SERPIND1: variants seen among roughly 807,000 people sequenced by gnomAD.
The protein encoded by SERPIND1 is serpin family D member 1.
In SERPIND1, 34 loss-of-function variants were observed where a neutral mutation model predicts 35.0. That is an observed-to-expected ratio of 0.97 (90% CI 0.74 to 1.29). SERPIND1 has a LOEUF of 1.29. SERPIND1 is among the 50% of genes most tolerant of loss of function. SERPIND1 has a pLI of 0.00. For synonymous variants in SERPIND1, 236 were observed against 241.1 expected (o/e 0.98, Z 0.19); for missense variants, 633 against 637.7 (o/e 0.99, Z 0.08).
chr22:20,779,282 T>A lies in SERPIND1; in HGVS notation c.-16-15T>A. 1 of 1,613,732 alleles carries A rather than the reference T, an allele frequency of 6.2e-7. No individual in the cohort carries two copies. The highest frequency in any genetic ancestry group is 1.7e-5 in the Admixed American group (1 of 60,020). ...AGCCAGGCCGCCTTTCACTGTGTTC[T>A]GTTTTCCCTCCCAGCTTTAGCTCCG... On this transcript the variant is annotated splice_polypyrimidine_tract_variant and intron_variant, in intron 1 of 4. Coordinates refer to ENST00000215727, the MANE Select transcript of SERPIND1 (RefSeq NM_000185.4).
Position 20,779,298 on chromosome 22 carries a change from T to TTTAG in SERPIND1, c.-14_-11dup. On this transcript the variant is annotated splice_region_variant and 5_prime_UTR_variant, in exon 2 of 5. Transcript: ENST00000215727. ...ACTGTGTTCTGTTTTCCCTCCCAGC[T>TTTAG]TTAGCTCCGCCAAAATGAAACACTC... The TTTAG allele has an allele frequency of 6.2e-7, 1 of 1,614,128 alleles. No homozygotes were observed.
intron 2 of SERPIND1, 46 bp downstream of exon 2, chr22:20,780,247 A>AT (rs781639551): frequency 7.4e-6 from 12 of 1,613,434 alleles, no homozygotes; most frequent in Non-Finnish European, 1.0e-5. Flanking sequence ...ACAACATACT[A>AT]TTTTTGTATG....
chr22:20,779,201 C>T, intron 1 of SERPIND1, 96 bp from the exon 2 acceptor site: 2 of 1,596,694 alleles, frequency 1.3e-6, no homozygotes, highest in Non-Finnish European at 1.7e-6. Context: ...AGGGCCTCTT[C>T]CTGGGTCAAA....
chr22:20,775,328 A>C (rs1321777222), intron 1 of SERPIND1, among the ~76,000 whole-genome samples: 4 of 152,244 alleles, frequency 2.6e-5, no homozygotes, highest in African/African-American at 9.6e-5. Flanking sequence ...GTTATACTAA[A>C]TAGCAAAACA....
At chr22:20,783,370 G>A (rs538398767) in intron 2 of SERPIND1, among the ~76,000 whole-genome samples, 137 of 151,894 alleles carry the variant, frequency 9.0e-4, no homozygotes, top group Admixed American at 4.4e-3. Flanking sequence ...GCTGAGGCAG[G>A]AGGATTGCTT....
At chr22:20,780,700 T>C (rs178037) in intron 2 of SERPIND1, among the ~76,000 whole-genome samples, 67,976 of 148,836 alleles carry the variant, frequency 0.46, 16,015 homozygotes, top group African/African-American at 0.57. Context: ...CACTTGAACC[T>C]GGAAGGCAGA....
At chr22:20,785,976 C>T in intron 3 of SERPIND1, 28 bp from the exon 4 acceptor site, 5 of 1,614,142 alleles carry the variant, frequency 3.1e-6, no homozygotes, top group South Asian at 1.1e-5. Context: ...TTCAATAAAA[C>T]TGGGCCCCCC....
Position 20,787,354 on chromosome 22 carries a change from G to A in SERPIND1, c.*288G>A, listed in dbSNP as rs554830580. The A allele has an allele frequency of 4.9e-4, 218 of 448,904 alleles. 4 individuals are homozygous for A. In the Admixed American group the frequency reaches 7.0e-3, roughly 14 times the overall value. The allele number at this position is 448,904 out of a possible 1,614,324, so 27.8% of individuals were successfully genotyped here. A position where few individuals can be genotyped will look rare whatever the true frequency, so the allele number is the denominator to read the frequency against. ...ACTCTTCACAGCAAACCTGAGCAGC[G>A]CGTCCTAAGCACCTCCCGCTCCGGT... On this transcript the variant is annotated 3_prime_UTR_variant, in exon 5 of 5. Coordinates refer to ENST00000215727, the MANE Select transcript of SERPIND1 (RefSeq NM_000185.4).
intron 1 of SERPIND1, among the ~76,000 whole-genome samples, chr22:20,776,457 G>C (rs776683690): frequency 2.0e-5 from 3 of 152,244 alleles, no homozygotes; most frequent in African/African-American, 4.8e-5. Context: ...CAGAAACAAT[G>C]TGACTTTCCT....
Position 20,787,136 on chromosome 22 carries a change from C to G in SERPIND1, c.*70C>G, listed in dbSNP as rs1046733844. ...TTTGTTTCCATTCCAACAACGAGAA[C>G]AGAGATGTTCTGGCATCATTTACGT... On this transcript the variant is annotated 3_prime_UTR_variant, in exon 5 of 5. Coordinates refer to ENST00000215727, the MANE Select transcript of SERPIND1 (RefSeq NM_000185.4). The G allele has an allele frequency of 2.9e-5, 39 of 1,357,188 alleles. No individual in the cohort carries two copies. The highest frequency in any genetic ancestry group is 3.9e-5 in the Non-Finnish European group (37 of 949,690). The allele number at this position is 1,357,188 out of a possible 1,614,324, so 84.1% of individuals were successfully genotyped here.
chr22:20,778,642 A>G (rs180997297), intron 1 of SERPIND1, among the ~76,000 whole-genome samples: 12 of 152,336 alleles, frequency 7.9e-5, no homozygotes, highest in Non-Finnish European at 1.8e-4. Context: ...ATTTTTCAAC[A>G]GCATCTCCAT....
chr22:20,774,678 T>C (rs962429627), intron 1 of SERPIND1, among the ~76,000 whole-genome samples: 3 of 151,120 alleles, frequency 2.0e-5, no homozygotes, highest in Non-Finnish European at 2.9e-5. Flanking sequence ...GGAGAATCGC[T>C]TAAACCCGGG....
At chr22:20,776,871 C>T (rs912393631) in intron 1 of SERPIND1, among the ~76,000 whole-genome samples, 8 of 151,920 alleles carry the variant, frequency 5.3e-5, no homozygotes, top group African/African-American at 1.9e-4. Flanking sequence ...GCAGAGTATC[C>T]GAACAGTTAC....
At chr22:20,786,485 A>T (rs1187084117) in intron 4 of SERPIND1, among the ~76,000 whole-genome samples, 2 of 152,174 alleles carry the variant, frequency 1.3e-5, no homozygotes, top group East Asian at 3.9e-4. Flanking sequence ...TAAACACCGC[A>T]CTATACACAT....
intron 2 of SERPIND1, among the ~76,000 whole-genome samples, chr22:20,780,887 G>T (rs1005619677): frequency 6.6e-6 from 1 of 151,928 alleles, no homozygotes; most frequent in African/African-American, 2.4e-5. Flanking sequence ...TAAATTGGAA[G>T]AAATAATACA....
At chr22:20,786,337 T>C (rs1052039356) in intron 4 of SERPIND1, among the ~76,000 whole-genome samples, 189 bp downstream of exon 4, 1 of 152,120 alleles carries the variant, frequency 6.6e-6, no homozygotes, top group Non-Finnish European at 1.5e-5. Flanking sequence ...GCACGGCACC[T>C]GGCAGACACT....
Position 20,779,695 on chromosome 22 carries a change from T to C in SERPIND1, c.383T>C (p.Ile128Thr), listed in dbSNP as rs767698585. The C allele has an allele frequency of 1.2e-6, 2 of 1,614,214 alleles. No individual in the cohort carries two copies. The highest frequency in any genetic ancestry group is 3.3e-5 in the Admixed American group (2 of 60,028). ...AAGAGCCGGATCCAGCGTCTTAACA[T>C]CCTCAACGCCAAGTTCGCTTTCAAC... ...HGKSRIQRLN[I>T]LNAKFAFNLY... The change falls in exon 2 of 5, where the codon ATC becomes ACC. Residue 128 changes from isoleucine to threonine, a missense_variant. Physicochemically the swap from Ile to Thr is moderately conservative, Grantham distance 89 (BLOSUM62 -1). Transcript: ENST00000215727.
chr22:20,785,141 C>T (rs1934119237), intron 3 of SERPIND1, among the ~76,000 whole-genome samples: 1 of 150,174 alleles, frequency 6.7e-6, no homozygotes, highest in Non-Finnish European at 1.5e-5. Context: ...ATCATCATGG[C>T]TCACTGCAGC....
At chr22:20,785,914 T>C (rs1934181881) in intron 3 of SERPIND1, 90 bp from the exon 4 acceptor site, 1 of 1,551,842 alleles carries the variant, frequency 6.4e-7, no homozygotes, top group South Asian at 1.1e-5. Context: ...CTGTGATAAA[T>C]ATAACCCGTG....
Sources: gnomAD v4.1 joint callset for allele counts (sites outside exome capture counted in the v4.1 genomes callset) on GRCh38, gnomAD v4.1.1 for gene constraint, MANE v1.5 for transcripts, NCBI Gene and HGNC (gene_info 2026-07-23, HGNC 2026-07-21) for gene names.